Variants in SPAG16 observed in about 807,000 individuals in gnomAD.
SPAG16 encodes sperm-associated antigen 16 protein.
SPAG16 carries 86 observed loss-of-function variants against 80.4 expected under a neutral mutation model. That is an observed-to-expected ratio of 1.07 (90% CI 0.90 to 1.28). SPAG16 has a LOEUF of 1.28. Among genes scored for constraint, SPAG16 ranks in the 50% most tolerant of loss-of-function variants. The pLI is 0.00. For synonymous variants in SPAG16, 294 were observed against 265.9 expected, an observed-to-expected ratio of 1.11 and a Z score of -1.03; for missense variants, 870 against 765.3, an observed-to-expected ratio of 1.14 and a Z score of -1.61.
At chr2:213,603,771 G>A (rs550580590) in intron 10 of SPAG16, among the ~76,000 whole-genome samples, 2 of 152,232 alleles carry the variant, frequency 1.3e-5, no homozygotes, top group Admixed American at 6.5e-5. Flanking sequence ...TCCTACAAGC[G>A]CTGAATCCTC....
chr2:214,065,295 C>T (rs927855786), intron 13 of SPAG16, among the ~76,000 whole-genome samples: 3 of 151,956 alleles, frequency 2.0e-5, no homozygotes, highest in Non-Finnish European at 4.4e-5. Flanking sequence ...CCTAAAATTG[C>T]AAAGGGATTT....
At chr2:214,125,514 G>GA (rs979519800) in intron 14 of SPAG16, among the ~76,000 whole-genome samples, 2 of 150,932 alleles carry the variant, frequency 1.3e-5, no homozygotes, top group African/African-American at 4.9e-5. Flanking sequence ...TTTTACTAGT[G>GA]AAAAAAAATG....
intron 11 of SPAG16, among the ~76,000 whole-genome samples, chr2:213,919,117 A>G (rs554065506): frequency 1.3e-5 from 2 of 151,806 alleles, no homozygotes; most frequent in South Asian, 2.1e-4. Flanking sequence ...TAATCTTTTG[A>G]GTGATTTTTC....
At chr2:213,332,081 A>G (rs530177371) in intron 5 of SPAG16, among the ~76,000 whole-genome samples, 6 of 152,296 alleles carry the variant, frequency 3.9e-5, no homozygotes, top group Middle Eastern at 6.8e-3. Context: ...AAAGCAATAC[A>G]AAAGTCAAGG....
At chr2:214,097,377 G>C (rs1238973610) in intron 13 of SPAG16, among the ~76,000 whole-genome samples, 2 of 152,018 alleles carry the variant, frequency 1.3e-5, no homozygotes, top group Admixed American at 1.3e-4. Context: ...CAGGAATGCT[G>C]TCTCTGTGTT....
intron 15 of SPAG16, among the ~76,000 whole-genome samples, chr2:214,163,637 T>G (rs7575750): frequency 0.37 from 54,482 of 149,024 alleles, 12,450 homozygotes; most frequent in African/African-American, 0.65. Context: ...CATATATATA[T>G]AGAGAGAGAG....
chr2:214,011,761 A>G (rs1215210633), intron 12 of SPAG16, among the ~76,000 whole-genome samples: 1 of 152,150 alleles, frequency 6.6e-6, no homozygotes, highest in East Asian at 1.9e-4. Flanking sequence ...TGCTCCAAAT[A>G]CTTATTACTG....
chr2:214,218,937 G>T (rs909571943), intron 15 of SPAG16, among the ~76,000 whole-genome samples: 5 of 152,184 alleles, frequency 3.3e-5, no homozygotes, highest in Non-Finnish European at 7.3e-5. Flanking sequence ...CTTGGGTTTT[G>T]AAGGGGTTTT....
At chr2:214,205,391 C>G (rs1355850402) in intron 15 of SPAG16, among the ~76,000 whole-genome samples, 1 of 152,014 alleles carries the variant, frequency 6.6e-6, no homozygotes, top group Non-Finnish European at 1.5e-5. Context: ...ACTTTTGATG[C>G]CTTGTTGTTT....
At chr2:213,916,083 A>G (rs2077950830) in intron 11 of SPAG16, among the ~76,000 whole-genome samples, 1 of 152,116 alleles carries the variant, frequency 6.6e-6, no homozygotes, top group Admixed American at 6.6e-5. Flanking sequence ...CTCTGATGAT[A>G]GTTTCTTTTG....
chr2:213,415,973 T>C (rs1027528382), intron 9 of SPAG16, among the ~76,000 whole-genome samples: 1 of 152,086 alleles, frequency 6.6e-6, no homozygotes, highest in Non-Finnish European at 1.5e-5. Context: ...AAGGATAATA[T>C]AAACATGTAA....
At chr2:214,406,370 G>C (rs1701998395) in intron 15 of SPAG16, among the ~76,000 whole-genome samples, 1 of 152,056 alleles carries the variant, frequency 6.6e-6, no homozygotes, top group Non-Finnish European at 1.5e-5. Context: ...ATGAGAGTAA[G>C]AGTTTCCAAA....
At chr2:214,200,427 A>G (rs182609201) in intron 15 of SPAG16, among the ~76,000 whole-genome samples, 1 of 152,314 alleles carries the variant, frequency 6.6e-6, no homozygotes, top group East Asian at 1.9e-4. Context: ...TGCATCCCTG[A>G]TATGAGACCC....
intron 13 of SPAG16, among the ~76,000 whole-genome samples, chr2:214,063,037 T>A (rs2050356758): frequency 6.6e-6 from 1 of 152,200 alleles, no homozygotes; most frequent in Non-Finnish European, 1.5e-5. Flanking sequence ...TTCAACAACA[T>A]GAAACCAGTA....
At chr2:213,757,551 T>C (rs1433301982) in intron 10 of SPAG16, among the ~76,000 whole-genome samples, 1 of 152,132 alleles carries the variant, frequency 6.6e-6, no homozygotes, top group African/African-American at 2.4e-5. Context: ...TAGAGAACAA[T>C]TGTACTGGCA....
At chr2:214,213,006 A>G (rs2058337013) in intron 15 of SPAG16, among the ~76,000 whole-genome samples, 1 of 152,138 alleles carries the variant, frequency 6.6e-6, no homozygotes, top group South Asian at 2.1e-4. Context: ...TTCCTCCCCT[A>G]TTGAGTACTT....
At chr2:213,860,377 A>G (rs561232226) in intron 10 of SPAG16, among the ~76,000 whole-genome samples, 1 of 125,340 alleles carries the variant, frequency 8.0e-6, no homozygotes, top group East Asian at 2.6e-4. Context: ...GTGTGTGTGT[A>G]TATCTATAAA....
intron 15 of SPAG16, among the ~76,000 whole-genome samples, chr2:214,318,218 C>A (rs1349770610): frequency 6.6e-6 from 1 of 151,850 alleles, no homozygotes; most frequent in African/African-American, 2.4e-5. Flanking sequence ...GACTGATATG[C>A]GATACTTGGA....
intron 15 of SPAG16, among the ~76,000 whole-genome samples, chr2:214,173,653 G>A (rs953941683): frequency 8.4e-4 from 128 of 152,054 alleles, no homozygotes; most frequent in Non-Finnish European, 1.5e-3. Flanking sequence ...GCTACAAGGA[G>A]GAACTGGTAC....
Sources: gnomAD v4.1 joint callset for allele counts (sites outside exome capture counted in the v4.1 genomes callset) on GRCh38, gnomAD v4.1.1 for gene constraint, MANE v1.5 for transcripts, NCBI Gene and HGNC (gene_info 2026-07-23, HGNC 2026-07-21) for gene names.